The following DACH2 variants were observed in gnomAD, a reference collection of about 807,000 sequenced individuals.
DACH2 encodes dachshund homolog 2.
DACH2 carries 17 observed loss-of-function variants against 35.8 expected under a neutral mutation model. The ratio of observed to expected loss-of-function variants is 0.48; its 90% CI spans 0.33 to 0.71. The LOEUF is 0.71. Among genes scored for constraint, DACH2 ranks in the 30% least tolerant of loss-of-function variants. The pLI is 0.02. For missense variants in DACH2, 469 were observed against 472.7 expected (o/e 0.99, Z 0.07); for synonymous variants, 195 against 177.3 (o/e 1.10, Z -0.79).
intron 1 of DACH2, among the ~76,000 whole-genome samples, chrX:86,296,613 A>T (rs1379845299): frequency 9.0e-6 from 1 of 111,053 alleles, no homozygotes; most frequent in African/African-American, 3.3e-5. Context: ...CCTCTTTGTT[A>T]CTGTGCTTTC....
At chrX:86,637,340 A>G (rs2040285300) in intron 3 of DACH2, among the ~76,000 whole-genome samples, 1 of 105,287 alleles carries the variant, frequency 9.5e-6, no homozygotes, top group Non-Finnish European at 1.9e-5. Flanking sequence ...CAGTGTGGCT[A>G]TTCCTCAAAG....
chrX:86,758,445 A>G (rs890486898), intron 7 of DACH2, among the ~76,000 whole-genome samples: 2 of 112,012 alleles, frequency 1.8e-5, no homozygotes, highest in African/African-American at 6.5e-5. Context: ...TTGTTTCAAG[A>G]TATTTTAAAA....
intron 1 of DACH2, among the ~76,000 whole-genome samples, chrX:86,323,448 G>T (rs1186164288): frequency 8.9e-6 from 1 of 112,067 alleles, no homozygotes; most frequent in African/African-American, 3.2e-5. Flanking sequence ...GCAATCCCTT[G>T]ACCTGCATGC....
At chrX:86,158,277 T>C (rs2030623614) in intron 1 of DACH2, among the ~76,000 whole-genome samples, 1 of 111,009 alleles carries the variant, frequency 9.0e-6, no homozygotes, top group South Asian at 3.8e-4. Context: ...AAGTTAGACG[T>C]CAGTGAGTAT....
At chrX:86,395,708 G>C (rs1358899289) in intron 2 of DACH2, among the ~76,000 whole-genome samples, 1 of 111,692 alleles carries the variant, frequency 9.0e-6, no homozygotes, top group Non-Finnish European at 1.9e-5. Flanking sequence ...CCCTACAAAG[G>C]ACATGAACTT....
At chrX:86,451,437 G>C (rs191583912) in intron 2 of DACH2, among the ~76,000 whole-genome samples, 103 of 111,128 alleles carry the variant, frequency 9.3e-4, no homozygotes, top group African/African-American at 3.3e-3. Context: ...TTGTACTAGT[G>C]CCAGGCTGTT....
chrX:86,210,129 T>C (rs1390413438), intron 1 of DACH2, among the ~76,000 whole-genome samples: 10 of 111,869 alleles, frequency 8.9e-5, no homozygotes, highest in Non-Finnish European at 1.9e-4. Context: ...TGATAGGTAG[T>C]GCAGTGCAGT....
At chrX:86,423,467 T>G (rs2036839740) in intron 2 of DACH2, among the ~76,000 whole-genome samples, 1 of 111,308 alleles carries the variant, frequency 9.0e-6, no homozygotes, top group South Asian at 3.8e-4. Context: ...TTTTATGTCT[T>G]CTTTTGAGAA....
At chrX:86,396,291 C>T (rs1177169889) in intron 2 of DACH2, among the ~76,000 whole-genome samples, 4 of 100,327 alleles carry the variant, frequency 4.0e-5, no homozygotes, top group Admixed American at 1.1e-4. Flanking sequence ...GATATTAGCC[C>T]TTTGTCAGAT....
chrX:86,777,147 C>A (rs1245493154), intron 7 of DACH2, among the ~76,000 whole-genome samples: 1 of 111,283 alleles, frequency 9.0e-6, no homozygotes, highest in Non-Finnish European at 1.9e-5. Flanking sequence ...GTTCTACATC[C>A]TTGAGGAATC....
At chrX:86,330,707 C>T (rs191914127) in intron 1 of DACH2, among the ~76,000 whole-genome samples, 4 of 111,739 alleles carry the variant, frequency 3.6e-5, no homozygotes, top group East Asian at 5.6e-4. Flanking sequence ...AATCAAGGTA[C>T]GTAATTTGGG....
intron 1 of DACH2, among the ~76,000 whole-genome samples, chrX:86,371,575 T>A (rs911482163): frequency 1.8e-5 from 2 of 110,788 alleles, no homozygotes; most frequent in African/African-American, 6.5e-5. Flanking sequence ...TAAATTTACA[T>A]CTTTAAAATA....
chrX:86,517,515 C>T (rs2038487904), intron 3 of DACH2, among the ~76,000 whole-genome samples: 1 of 107,540 alleles, frequency 9.3e-6, no homozygotes, highest in African/African-American at 3.4e-5. Context: ...CTCCTGGGCT[C>T]ACGCCATTCT....
intron 1 of DACH2, among the ~76,000 whole-genome samples, chrX:86,197,134 A>G (rs928647302): frequency 1.8e-5 from 2 of 111,888 alleles, no homozygotes; most frequent in African/African-American, 6.5e-5. Context: ...AGAAATTCCA[A>G]CCCAGAATTT....
intron 1 of DACH2, chrX:86,160,973 C>T (rs1156871099): frequency 1.8e-5 from 15 of 854,708 alleles, no homozygotes; most frequent in South Asian, 1.4e-4. Context: ...CCTCAAGCAG[C>T]GTGGTTCCAC....
rs146128433 is a variant in DACH2, at chrX:86,675,272, C to T, written c.773-19749C>T. 1.6e-4 allele frequency among the ~76,000 whole-genome samples: 18 copies of T among 111,799 alleles called. No individual in the cohort carries two copies. In the East Asian group the frequency reaches 5.1e-3, roughly 32 times the overall value. ...ATTGTACAAGAAAGGAAACTGAAAC[C>T]TATAGGAGGCAAACTGAGGATGTCT... On this transcript the variant is annotated intron_variant, in intron 4 of 11. Transcript: ENST00000373125.
At chrX:86,531,336 GC>G (rs2038717179) in intron 3 of DACH2, among the ~76,000 whole-genome samples, 1 of 111,449 alleles carries the variant, frequency 9.0e-6, no homozygotes, top group Admixed American at 9.5e-5. Context: ...AGAGATCTTT[GC>G]CCCAGCCCCT....
intron 4 of DACH2, among the ~76,000 whole-genome samples, chrX:86,667,325 G>GGAAGGAAA (rs2040686622): frequency 1.5e-5 from 1 of 67,637 alleles, no homozygotes; most frequent in Non-Finnish European, 2.8e-5. Flanking sequence ...AAGGAAGGAA[G>GGAAGGAAA]GAAGGAAGGA....
chrX:86,460,218 A>T (rs2037545107), intron 2 of DACH2, among the ~76,000 whole-genome samples: 1 of 110,958 alleles, frequency 9.0e-6, no homozygotes, highest in Non-Finnish European at 1.9e-5. Flanking sequence ...ATTTTGGAAA[A>T]AATGTGGCCT....
Sources: gnomAD v4.1 joint callset for allele counts (sites outside exome capture counted in the v4.1 genomes callset) on GRCh38, gnomAD v4.1.1 for gene constraint, MANE v1.5 for transcripts, NCBI Gene and HGNC (gene_info 2026-07-23, HGNC 2026-07-21) for gene names.